The following WDR7 variants were observed in gnomAD, a reference collection of about 807,000 sequenced individuals.
The protein encoded by WDR7 is WD repeat domain 7, also known as WD repeat-containing protein 7.
Under a neutral mutation model 169.4 loss-of-function variants are expected in WDR7, and 46 were observed. The ratio of observed to expected loss-of-function variants is 0.27; its 90% CI spans 0.21 to 0.35. The LOEUF (loss-of-function observed/expected upper bound fraction) is 0.35. WDR7 is among the 10% of genes least tolerant of loss of function. The probability of loss-of-function intolerance (pLI) is 1.00; values close to 1 mark genes in which losing one functional copy is unlikely to be tolerated. For missense variants in WDR7, 1,534 were observed against 1,859.3 expected, an observed-to-expected ratio of 0.83 and a Z score of 3.22; for synonymous variants, 612 against 666.8, an observed-to-expected ratio of 0.92 and a Z score of 1.27.
intron 25 of WDR7, among the ~76,000 whole-genome samples, chr18:56,942,948 A>G (rs2047053308): frequency 6.6e-6 from 1 of 152,266 alleles, no homozygotes; most frequent in Non-Finnish European, 1.5e-5. Context: ...GAGTCAGCAC[A>G]TAAACATAGA....
At chr18:56,678,680 A>G (rs568043919) in intron 2 of WDR7, among the ~76,000 whole-genome samples, 2 of 152,234 alleles carry the variant, frequency 1.3e-5, no homozygotes, top group African/African-American at 4.8e-5. Flanking sequence ...TATTTTTAGT[A>G]GAGATGGGGT....
At chr18:56,920,385 G>A (rs1040128502) in intron 21 of WDR7, among the ~76,000 whole-genome samples, 6 of 152,184 alleles carry the variant, frequency 3.9e-5, no homozygotes, top group Non-Finnish European at 7.4e-5. Context: ...CAGATTGCCT[G>A]TTTGCTCCTG....
Position 56,691,365 on chromosome 18 carries a change from T to G in WDR7, c.863+4T>G. On this transcript the variant is annotated splice_donor_region_variant and intron_variant, in intron 8 of 27. Transcript: ENST00000254442. ...ATATTTACAAACTACCTGCCAGGTA[T>G]GCAGCAAGTAATAAATTAGGACAGT... 6.3e-7 allele frequency: 1 copy of G among 1,582,420 alleles called. No homozygotes were observed. The highest frequency in any genetic ancestry group is 8.5e-7 in the Non-Finnish European group (1 of 1,172,214).
At chr18:56,810,006 C>G (rs1352018566) in intron 19 of WDR7, among the ~76,000 whole-genome samples, 1 of 152,154 alleles carries the variant, frequency 6.6e-6, no homozygotes, top group African/African-American at 2.4e-5. Flanking sequence ...TACAGAAAGT[C>G]TACTGTTATC....
chr18:56,725,545 G>A (rs1568160071), intron 13 of WDR7, among the ~76,000 whole-genome samples: 1 of 152,020 alleles, frequency 6.6e-6, no homozygotes, highest in Admixed American at 6.6e-5. Context: ...TGTAGATTTT[G>A]GATATTAGCC....
chr18:56,842,984 G>A (rs1323273550), intron 20 of WDR7, among the ~76,000 whole-genome samples: 2 of 152,038 alleles, frequency 1.3e-5, no homozygotes, highest in Admixed American at 1.3e-4. Context: ...GGCATTTGAT[G>A]TTGTTGCTGT....
intron 26 of WDR7, among the ~76,000 whole-genome samples, chr18:57,004,328 T>C (rs1224775310): frequency 6.6e-6 from 1 of 152,158 alleles, no homozygotes; most frequent in East Asian, 1.9e-4. Context: ...TATATGTCTC[T>C]GGTGTCTACA....
intron 16 of WDR7, among the ~76,000 whole-genome samples, chr18:56,765,515 T>G (rs1160837127): frequency 2.0e-5 from 3 of 152,090 alleles, no homozygotes; most frequent in Admixed American, 6.5e-5. Context: ...AACCTTATAA[T>G]ATTATATTAG....
chr18:56,904,818 T>C (rs964098289), intron 21 of WDR7, among the ~76,000 whole-genome samples: 3 of 152,158 alleles, frequency 2.0e-5, no homozygotes, highest in African/African-American at 7.2e-5. Flanking sequence ...GCCAGAATCT[T>C]TGTGGTGTGG....
intron 21 of WDR7, among the ~76,000 whole-genome samples, chr18:56,922,908 A>G: frequency 6.6e-6 from 1 of 152,194 alleles, no homozygotes; most frequent in East Asian, 1.9e-4. Flanking sequence ...TTCATTTAGA[A>G]AAGAGCCATG....
intron 20 of WDR7, among the ~76,000 whole-genome samples, chr18:56,856,570 T>C (rs2045725184): frequency 6.6e-6 from 1 of 151,772 alleles, no homozygotes; most frequent in African/African-American, 2.4e-5. Context: ...TAGAAAACTA[T>C]AATTTTTAAA....
At chr18:57,003,337 C>CA (rs1289283392) in intron 26 of WDR7, among the ~76,000 whole-genome samples, 3 of 151,798 alleles carry the variant, frequency 2.0e-5, no homozygotes, top group Non-Finnish European at 2.9e-5. Flanking sequence ...TAAAAAAATA[C>CA]AAAAAAGGAC....
At chr18:56,748,361 T>C (rs948074178) in intron 14 of WDR7, among the ~76,000 whole-genome samples, 2 of 152,092 alleles carry the variant, frequency 1.3e-5, no homozygotes, top group African/African-American at 4.8e-5. Context: ...TCAATCTCTT[T>C]TGTGCTGCTG....
At chr18:56,795,457 A>C (rs1568199421) in intron 19 of WDR7, among the ~76,000 whole-genome samples, 1 of 152,216 alleles carries the variant, frequency 6.6e-6, no homozygotes, top group Non-Finnish European at 1.5e-5. Context: ...TATATAAAAT[A>C]CTTTGAGTTT....
At chr18:56,852,908 T>C (rs1209522733) in intron 20 of WDR7, among the ~76,000 whole-genome samples, 1 of 152,068 alleles carries the variant, frequency 6.6e-6, no homozygotes, top group African/African-American at 2.4e-5. Flanking sequence ...CTCTTTGAAA[T>C]TTTACTGAGT....
chr18:56,724,649 T>TTA lies in WDR7; in HGVS notation c.1774+6503_1774+6504dup, dbSNP rs745836380. 3.5e-3 allele frequency among the ~76,000 whole-genome samples: 522 copies of TTA among 151,200 alleles called. 4 individuals carry two copies. The highest frequency in any genetic ancestry group is 0.01 in the African/African-American group (429 of 41,336). On this transcript the variant is annotated intron_variant, in intron 13 of 27. Coordinates refer to ENST00000254442, the MANE Select transcript of WDR7 (RefSeq NM_015285.3). The stretch of plus-strand genomic sequence containing the variant: ...AAATTTTTTTTACCTTTTTTTAATT[T>TTA]TATATATATATATAATTATACTTTA...
At chr18:56,817,769 G>A (rs1286535941) in intron 20 of WDR7, among the ~76,000 whole-genome samples, 3 of 144,752 alleles carry the variant, frequency 2.1e-5, no homozygotes, top group African/African-American at 7.8e-5. Context: ...TTTTTGAGAT[G>A]GAGTCTTGCT....
intron 21 of WDR7, among the ~76,000 whole-genome samples, chr18:56,884,051 G>A (rs1274694383): frequency 6.6e-6 from 1 of 152,176 alleles, no homozygotes; most frequent in Non-Finnish European, 1.5e-5. Flanking sequence ...GCTGGATTAA[G>A]TGGTAGTTCT....
chr18:56,827,153 A>T (rs543974322), intron 20 of WDR7, among the ~76,000 whole-genome samples: 1 of 152,308 alleles, frequency 6.6e-6, no homozygotes, highest in East Asian at 1.9e-4. Flanking sequence ...CTGTGGAGGG[A>T]GTGAGAAGAA....
Sources: gnomAD v4.1 joint callset for allele counts (sites outside exome capture counted in the v4.1 genomes callset) on GRCh38, gnomAD v4.1.1 for gene constraint, MANE v1.5 for transcripts, NCBI Gene and HGNC (gene_info 2026-07-23, HGNC 2026-07-21) for gene names.